The following CAMTA1 variants were observed in gnomAD, a reference collection of about 807,000 sequenced individuals.
The protein encoded by CAMTA1 is calmodulin-binding transcription activator 1.
CAMTA1 carries 27 observed loss-of-function variants against 170.9 expected under a neutral mutation model. That is an observed-to-expected ratio of 0.16 (90% CI 0.12 to 0.22). The LOEUF is 0.22. Ranked by LOEUF, CAMTA1 falls within the 10% of genes least tolerant of loss-of-function variation. CAMTA1 has a pLI of 1.00. For synonymous variants in CAMTA1, 833 were observed against 891.5 expected (o/e 0.93, Z 1.17); for missense variants, 1,619 against 2,217.2 (o/e 0.73, Z 5.42).
chr1:7,536,600 C>T (rs1052980335), intron 6 of CAMTA1, among the ~76,000 whole-genome samples: 8 of 152,150 alleles, frequency 5.3e-5, no homozygotes, highest in African/African-American at 9.6e-5. Context: ...AAACTAGGAC[C>T]GGGCAGGGCT....
intron 3 of CAMTA1, among the ~76,000 whole-genome samples, chr1:7,090,039 A>G (rs1379352526): frequency 1.3e-5 from 2 of 152,184 alleles, no homozygotes; most frequent in Non-Finnish European, 2.9e-5. Context: ...TCTGCTTCCC[A>G]GGTTCTTTGT....
intron 3 of CAMTA1, among the ~76,000 whole-genome samples, chr1:7,005,074 A>G (rs992388355): frequency 2.6e-5 from 4 of 152,238 alleles, no homozygotes; most frequent in Non-Finnish European, 5.9e-5. Flanking sequence ...GTCCGGCCTC[A>G]AAGTTTTTTA....
chr1:7,215,064 G>T (rs574561122), intron 4 of CAMTA1, among the ~76,000 whole-genome samples: 2 of 151,996 alleles, frequency 1.3e-5, no homozygotes, highest in Admixed American at 1.3e-4. Flanking sequence ...CTTGATAACT[G>T]TAGCTATATA....
rs2085714417 is a variant in CAMTA1 at position 7,363,451 on chromosome 1, G to T, written c.439-104379G>T. Among the ~76,000 whole-genome samples, 3 of 152,096 alleles carry T rather than the reference G, an allele frequency of 2.0e-5. No homozygotes were observed. In the South Asian group the frequency reaches 6.3e-4, roughly 32 times the overall value. ...TAATGGATGGAGGAATGATCTGGGG[G>T]TGACCTTTTGTAGAACATCATCTGT... On this transcript the variant is annotated intron_variant, in intron 5 of 22. Coordinates refer to ENST00000303635, the MANE Select transcript of CAMTA1 (RefSeq NM_015215.4).
chr1:7,751,492 G>T, intron 20 of CAMTA1, 100 bp downstream of exon 20: 1 of 1,035,564 alleles, frequency 9.7e-7, no homozygotes. Context: ...TCTGGGGTGG[G>T]CCTAAAGCAT....
At position 7,583,140 on chromosome 1, in the gene CAMTA1, C is replaced by A. The variant is rs996376697; in HGVS notation, c.511-57260C>A. Among the ~76,000 whole-genome samples the A allele has an allele frequency of 2.6e-5, 4 of 151,928 alleles. No individual in the cohort carries two copies. In the East Asian group the frequency reaches 7.7e-4, roughly 29 times the overall value. On this transcript the variant is annotated intron_variant, in intron 6 of 22. Coordinates refer to ENST00000303635, the MANE Select transcript of CAMTA1 (RefSeq NM_015215.4). ...GTCTTTATCAGCAGGGAGCAGGGGG[C>A]GTTAGCAGGGGGCCTAAAGGGGATC... is the stretch of plus-strand genomic sequence containing the variant.
rs544688414 is a variant in CAMTA1, at chr1:6,872,585, G to A, written c.234+47375G>A. Among the ~76,000 whole-genome samples, 107 of 152,180 alleles carry A rather than the reference G, an allele frequency of 7.0e-4. 3 individuals are homozygous for A. In the South Asian group the frequency reaches 0.022, roughly 31 times the overall value. ...GCCAAAACCTGGTCAGCCAGCCCTG[G>A]TAGTCTCAATACCAGATTGATTTCT... On this transcript the variant is annotated intron_variant, in intron 3 of 22. Transcript: ENST00000303635.
At chr1:6,966,774 A>T (rs1272238204) in intron 3 of CAMTA1, among the ~76,000 whole-genome samples, 2 of 151,352 alleles carry the variant, frequency 1.3e-5, no homozygotes, top group East Asian at 4.0e-4. Flanking sequence ...GCATGCCCAG[A>T]TAATTTTTTT....
chr1:7,358,203 T>C (rs1247378485), intron 5 of CAMTA1, among the ~76,000 whole-genome samples: 8 of 152,236 alleles, frequency 5.3e-5, no homozygotes, highest in Admixed American at 2.0e-4. Flanking sequence ...CTCCCTTTTT[T>C]CCTCTGGTAC....
chr1:7,460,570 GC>G (rs1288412654), intron 5 of CAMTA1, among the ~76,000 whole-genome samples: 3 of 146,596 alleles, frequency 2.0e-5, no homozygotes, highest in African/African-American at 7.7e-5. Flanking sequence ...GGTCCAGGAT[GC>G]CCCGTTCTGG....
At chr1:7,116,425 A>G (rs900765988) in intron 4 of CAMTA1, among the ~76,000 whole-genome samples, 13 of 152,104 alleles carry the variant, frequency 8.5e-5, no homozygotes, top group African/African-American at 2.9e-4. Flanking sequence ...TTCACAGATC[A>G]CCTTGTAAGA....
intron 3 of CAMTA1, among the ~76,000 whole-genome samples, chr1:6,932,734 G>A (rs1218570254): frequency 6.6e-6 from 1 of 152,130 alleles, no homozygotes; most frequent in Non-Finnish European, 1.5e-5. Context: ...TTGTATTTCT[G>A]TAGTAAATAA....
At chr1:6,865,389 G>A (rs377286288) in intron 3 of CAMTA1, among the ~76,000 whole-genome samples, 1 of 152,220 alleles carries the variant, frequency 6.6e-6, no homozygotes, top group East Asian at 1.9e-4. Context: ...GGGTTATGAG[G>A]GCTTGTGAGT....
At chr1:7,020,811 C>T (rs973474380) in intron 3 of CAMTA1, among the ~76,000 whole-genome samples, 1 of 152,226 alleles carries the variant, frequency 6.6e-6, no homozygotes, top group African/African-American at 2.4e-5. Flanking sequence ...CAGGAAGTGG[C>T]TGGAGTTGTT....
At chr1:6,931,812 T>G (rs1684462203) in intron 3 of CAMTA1, among the ~76,000 whole-genome samples, 1 of 152,210 alleles carries the variant, frequency 6.6e-6, no homozygotes, top group Admixed American at 6.5e-5. Flanking sequence ...CTTTGTTCCC[T>G]GGGGACTTGG....
intron 6 of CAMTA1, among the ~76,000 whole-genome samples, chr1:7,485,454 C>T (rs1388805207): frequency 6.6e-6 from 1 of 152,208 alleles, no homozygotes; most frequent in Non-Finnish European, 1.5e-5. Flanking sequence ...GGTCATGGAG[C>T]CTCTTCTGCC....
chr1:6,877,165 G>T (rs1670143476), intron 3 of CAMTA1, among the ~76,000 whole-genome samples: 1 of 152,194 alleles, frequency 6.6e-6, no homozygotes, highest in Non-Finnish European at 1.5e-5. Context: ...AGACATGTTG[G>T]AGAAACAGTC....
intron 11 of CAMTA1, among the ~76,000 whole-genome samples, chr1:7,710,121 T>C (rs1416442253): frequency 1.3e-5 from 2 of 152,372 alleles, no homozygotes; most frequent in South Asian, 2.1e-4. Context: ...ATTCAACAGA[T>C]AGTCTCCAGC....
At chr1:7,112,568 A>G (rs1644126185) in intron 4 of CAMTA1, among the ~76,000 whole-genome samples, 1 of 152,116 alleles carries the variant, frequency 6.6e-6, no homozygotes, top group African/African-American at 2.4e-5. Flanking sequence ...CTAGCTCCCC[A>G]CTCTGACAGA....
Sources: allele counts gnomAD v4.1 joint callset (sites outside exome capture counted in the v4.1 genomes callset), GRCh38; gene constraint gnomAD v4.1.1; transcripts MANE v1.5; gene names NCBI Gene and HGNC (gene_info 2026-07-23, HGNC 2026-07-21).